TNPO1: variants seen among roughly 807,000 people sequenced by gnomAD.
The protein encoded by TNPO1 is transportin 1, also known as transportin-1.
A neutral mutation model predicts 119.5 loss-of-function variants in TNPO1; 8 were observed. That is an observed-to-expected ratio of 0.07 (90% confidence interval 0.04 to 0.12). The LOEUF (loss-of-function observed/expected upper bound fraction) is 0.12. Ranked by LOEUF, TNPO1 falls within the 10% of genes least tolerant of loss-of-function variation. TNPO1 has a pLI of 1.00. For missense variants in TNPO1, 576 were observed against 1,089.8 expected (o/e 0.53, Z 6.64); for synonymous variants, 362 against 363.0 (o/e 1.00, Z 0.03).
chr5:72,854,734 A>G (rs558587051), intron 3 of TNPO1, among the ~76,000 whole-genome samples: 47 of 152,292 alleles, frequency 3.1e-4, no homozygotes, highest in African/African-American at 1.1e-3. Flanking sequence ...CAACTGGTAA[A>G]GCCGTCAGTT....
At chr5:72,831,623 TA>T (rs1414552083) in intron 1 of TNPO1, among the ~76,000 whole-genome samples, 1 of 152,008 alleles carries the variant, frequency 6.6e-6, no homozygotes, top group Non-Finnish European at 1.5e-5. Context: ...TCCTGTTATC[TA>T]AGTAAAACTT....
At chr5:72,906,442 C>T (rs1750173695) in intron 24 of TNPO1, among the ~76,000 whole-genome samples, 1 of 151,748 alleles carries the variant, frequency 6.6e-6, no homozygotes, top group Admixed American at 6.6e-5. Flanking sequence ...CAGGCACATG[C>T]CACCATGCCT....
intron 1 of TNPO1, among the ~76,000 whole-genome samples, chr5:72,842,971 G>A (rs1426897943): frequency 1.3e-5 from 2 of 152,270 alleles, no homozygotes; most frequent in East Asian, 3.9e-4. Flanking sequence ...CCTCAAGGAA[G>A]TCCTTTCTTG....
Position 72,862,209 on chromosome 5 carries a change from A to T in TNPO1, c.462+295A>T, listed in dbSNP as rs113568263. ...TATACAGTTTTTGTCAAGCCTAATC[A>T]GTTAAAGATAGAATGAAATTTACCA... On this transcript the variant is annotated intron_variant, in intron 5 of 24. Transcript: ENST00000337273. 7.0e-3 allele frequency: 1,322 copies of T among 189,296 alleles called. 14 individuals are homozygous for T. Among genetic ancestry groups the T allele is most frequent in the African/African-American group, 0.029 (1,233 of 42,618 alleles). 11.7% of individuals were successfully genotyped at this position (189,296 alleles called of 1,614,324 possible). A position where few individuals can be genotyped will look rare whatever the true frequency, so the allele number is the denominator to read the frequency against.
chr5:72,853,403 T>C (rs1470562166), intron 3 of TNPO1, among the ~76,000 whole-genome samples: 3 of 152,222 alleles, frequency 2.0e-5, no homozygotes, highest in Non-Finnish European at 4.4e-5. Flanking sequence ...ATCGTGCCAC[T>C]GCACTCCAGT....
chr5:72,880,839 A>G (rs967659956), intron 9 of TNPO1, among the ~76,000 whole-genome samples: 2 of 142,486 alleles, frequency 1.4e-5, no homozygotes, highest in Non-Finnish European at 3.1e-5. Flanking sequence ...AAAAAACCTC[A>G]TTTTTAATGG....
intron 8 of TNPO1, among the ~76,000 whole-genome samples, chr5:72,876,159 G>C (rs1213208595): frequency 1.3e-5 from 2 of 152,194 alleles, no homozygotes; most frequent in Non-Finnish European, 2.9e-5. Context: ...CTAAAGTGAA[G>C]AAATTTTATC....
intron 2 of TNPO1, among the ~76,000 whole-genome samples, chr5:72,848,770 C>T (rs1745302614): frequency 6.8e-6 from 1 of 147,898 alleles, no homozygotes; most frequent in Non-Finnish European, 1.5e-5. Context: ...GCGGGGGCCC[C>T]CGGCCGCCGC....
At chr5:72,878,370 G>C (rs567028467) in intron 9 of TNPO1, among the ~76,000 whole-genome samples, 2 of 150,622 alleles carry the variant, frequency 1.3e-5, no homozygotes, top group Non-Finnish European at 2.9e-5. Context: ...TTATAGAACC[G>C]TATACCCCAC....
At chr5:72,880,996 T>G (rs1748201953) in intron 9 of TNPO1, among the ~76,000 whole-genome samples, 1 of 152,166 alleles carries the variant, frequency 6.6e-6, no homozygotes. Context: ...ACCTCATTTT[T>G]TCTTATTTGC....
intron 20 of TNPO1, among the ~76,000 whole-genome samples, chr5:72,899,233 T>C (rs1021932011): frequency 6.6e-6 from 1 of 152,224 alleles, no homozygotes; most frequent in Non-Finnish European, 1.5e-5. Flanking sequence ...GTCATTGCAG[T>C]GGACTGTAAA....
At chr5:72,894,343 C>T (rs1749269084) in intron 18 of TNPO1, among the ~76,000 whole-genome samples, 1 of 152,008 alleles carries the variant, frequency 6.6e-6, no homozygotes, top group East Asian at 1.9e-4. Flanking sequence ...GGATTTTTTT[C>T]CCCCTTTTCT....
chr5:72,884,445 G>A (rs886839128), intron 11 of TNPO1, among the ~76,000 whole-genome samples: 8 of 152,146 alleles, frequency 5.3e-5, no homozygotes, highest in Non-Finnish European at 1.0e-4. Context: ...TAATTTGCAT[G>A]AAAATTGGCT....
chr5:72,878,877 T>C (rs1449430755), intron 9 of TNPO1: 1 of 486,446 alleles, frequency 2.1e-6, no homozygotes, highest in South Asian at 1.6e-5. Context: ...TTTAAATCCT[T>C]GAGGGGTACA....
intron 1 of TNPO1, among the ~76,000 whole-genome samples, chr5:72,847,166 A>G (rs1308510361): frequency 6.6e-6 from 1 of 152,116 alleles, no homozygotes; most frequent in Non-Finnish European, 1.5e-5. Flanking sequence ...AGAGAGGAAA[A>G]GGCATTTTTA....
At chr5:72,906,186 GA>G (rs1463697480) in intron 24 of TNPO1, among the ~76,000 whole-genome samples, 7 of 139,820 alleles carry the variant, frequency 5.0e-5, no homozygotes, top group Non-Finnish European at 9.0e-5. Flanking sequence ...TGCTTTGAAA[GA>G]AAACTCAGTT....
intron 8 of TNPO1, among the ~76,000 whole-genome samples, 181 bp downstream of exon 8, chr5:72,875,918 T>C (rs1014835627): frequency 1.3e-5 from 2 of 152,216 alleles, no homozygotes; most frequent in African/African-American, 4.8e-5. Context: ...TGTATAACTT[T>C]GGAAGTGTTT....
chr5:72,867,497 T>G (rs1747004108), intron 6 of TNPO1, among the ~76,000 whole-genome samples: 1 of 152,212 alleles, frequency 6.6e-6, no homozygotes, highest in African/African-American at 2.4e-5. Flanking sequence ...AGAACCATTT[T>G]ATCAGACTTG....
intron 23 of TNPO1, among the ~76,000 whole-genome samples, 181 bp from the exon 24 acceptor site, chr5:72,905,122 G>A (rs1750051130): frequency 6.6e-6 from 1 of 152,164 alleles, no homozygotes. Flanking sequence ...TGAGATTTGG[G>A]TGGGGACACA....
Sources: gnomAD v4.1 joint callset for allele counts (sites outside exome capture counted in the v4.1 genomes callset) on GRCh38, gnomAD v4.1.1 for gene constraint, MANE v1.5 for transcripts, NCBI Gene and HGNC (gene_info 2026-07-23, HGNC 2026-07-21) for gene names.